Variants in MON1B observed in about 807,000 individuals in gnomAD.
MON1B encodes the protein MON1 vesicular trafficking associated B.
A neutral mutation model predicts 45.1 loss-of-function variants in MON1B; 26 were observed. The observed-to-expected ratio is 0.58, with a 90% CI of 0.42 to 0.80. MON1B has a LOEUF of 0.80. Among genes scored for constraint, MON1B ranks in the 30% least tolerant of loss-of-function variants. MON1B has a pLI of 0.00. For missense variants in MON1B, 737 were observed against 754.5 expected (o/e 0.98, Z 0.27); for synonymous variants, 395 against 320.2 (o/e 1.23, Z -2.49).
At position 77,198,134 on chromosome 16, in the gene MON1B, C is replaced by T; in HGVS notation, c.1470C>T (p.Thr490=). 6.2e-7 allele frequency: 1 copy of T among 1,614,144 alleles called. No individual in the cohort carries two copies. The highest frequency in any genetic ancestry group is 8.5e-7 in the Non-Finnish European group (1 of 1,180,020). ...AWVTSKFELY[T]CLSPLVTKAG... ...TGACCTCCAAATTCGAGCTCTATAC[C>T]TGCCTCAGCCCTCTGGTGACCAAGG... Residue 490 remains threonine (T), a synonymous_variant, in exon 6 of 6, where the codon ACC becomes ACT. Coordinates refer to ENST00000248248, the MANE Select transcript of MON1B (RefSeq NM_014940.4).
rs765729143 is a variant in MON1B at position 77,194,209 on chromosome 16, A to C, written c.476-126A>C. ...TGTCCTTACCCCAGTCCAGGTGCCCACAGAGTGAGCATGTGGACTCGGGCC... is the reference window on the plus strand; with the variant it reads ...TGTCCTTACCCCAGTCCAGGTGCCCCCAGAGTGAGCATGTGGACTCGGGCC... On this transcript the variant is annotated intron_variant, in intron 3 of 5. Coordinates refer to ENST00000248248, the MANE Select transcript of MON1B (RefSeq NM_014940.4). The surrounding 1 kb of genome is among the most constrained non-coding windows in gnomAD (Gnocchi z 8.1). The C allele has an allele frequency of 1.1e-6, 1 of 876,220 alleles. No homozygotes were observed. Among genetic ancestry groups the C allele is most frequent in the Non-Finnish European group, 1.9e-6 (1 of 527,878 alleles). The allele number at this position is 876,220 out of a possible 1,614,324, so 54.3% of individuals were successfully genotyped here.
chr16:77,191,208 G>C lies in MON1B; in HGVS notation c.-61G>C. 3 of 1,536,204 alleles carry C rather than the reference G, an allele frequency of 2.0e-6. No individual in the cohort carries two copies. The highest frequency in any genetic ancestry group is 2.6e-6 in the Non-Finnish European group (3 of 1,146,882). On this transcript the variant is annotated 5_prime_UTR_variant, in exon 1 of 6. Transcript: ENST00000248248. ...CACCCGGAAGTGTGATGCCACCGCC[G>C]CTACGGGGAAGTAATGGTATCCGGC...
At chr16:77,192,300 T>C (rs2054623138) in intron 2 of MON1B, among the ~76,000 whole-genome samples, 1 of 152,118 alleles carries the variant, frequency 6.6e-6, no homozygotes, top group East Asian at 1.9e-4. Flanking sequence ...TAATAGCAGG[T>C]AAGAGCAGTT....
At position 77,194,654 on chromosome 16, in the gene MON1B, C is replaced by T; in HGVS notation, c.795C>T (p.Leu265=). 2 of 1,613,882 alleles carry T rather than the reference C, an allele frequency of 1.2e-6. No individual in the cohort carries two copies. Among genetic ancestry groups the T allele is most frequent in the East Asian group, 2.2e-5 (1 of 44,842 alleles). Residue 265 remains leucine (L), a synonymous_variant, in exon 4 of 6, where the codon CTC becomes CTT. Transcript: ENST00000248248. This position sits in a 1 kb window ranked among gnomAD's most constrained non-coding sequence, Gnocchi z 8.1. ...RPLRDALGAL[L]RRCTAPGLAL... ...TGCGAGACGCACTAGGTGCGCTCCT[C>T]CGACGTTGCACAGCGCCTGGCCTGG...
At position 77,194,415 on chromosome 16, in the gene MON1B, C is replaced by T. The variant is rs747908684; in HGVS notation, c.556C>T (p.Leu186=). ...ACGGACTTCTCAGTCAGCAGCCCAG[C>T]TGCGGGGGGAGCTGCTAGCTGTGCA... The part of the protein sequence containing the change: ...MSRTSQSAAQ[L]RGELLAVHAQ... Residue 186 remains leucine (L), a synonymous_variant, in exon 4 of 6, where the codon CTG becomes TTG. Transcript: ENST00000248248. This position sits in a 1 kb window ranked among gnomAD's most constrained non-coding sequence, Gnocchi z 8.1. 2 of 1,613,724 alleles carry T rather than the reference C, an allele frequency of 1.2e-6. No individual in the cohort carries two copies. Among genetic ancestry groups the T allele is most frequent in the South Asian group, 1.1e-5 (1 of 91,082 alleles).
intron 5 of MON1B, among the ~76,000 whole-genome samples, chr16:77,196,609 C>G (rs535824437): frequency 6.6e-6 from 1 of 152,168 alleles, no homozygotes; most frequent in East Asian, 1.9e-4. Flanking sequence ...AACCCCGTCT[C>G]TACTAAAAAT....
rs1260109966 is a variant in MON1B at position 77,193,924 on chromosome 16, G to A, written c.475+147G>A. 1 of 800,574 alleles carries A rather than the reference G, an allele frequency of 1.2e-6. No homozygotes were observed. Among genetic ancestry groups the A allele is most frequent in the African/African-American group, 1.7e-5 (1 of 57,552 alleles). The allele number at this position is 800,574 out of a possible 1,614,324, so 49.6% of individuals were successfully genotyped here. A position where few individuals can be genotyped will look rare whatever the true frequency, so the allele number is the denominator to read the frequency against. On this transcript the variant is annotated intron_variant, in intron 3 of 5. Coordinates refer to ENST00000248248, the MANE Select transcript of MON1B (RefSeq NM_014940.4). This position sits in a 1 kb window ranked among gnomAD's most constrained non-coding sequence, Gnocchi z 5.0. ...TCAGCCAGAGCTCTGTCAGTGGCGG[G>A]AGGTGGGGGGGTTCATCTCTGTCTG...
rs200826983 is a variant in MON1B at position 77,193,748 on chromosome 16, C to T, written c.446C>T (p.Ala149Val). 1.1e-4 allele frequency: 184 copies of T among 1,612,870 alleles called. No individual in the cohort carries two copies. Among genetic ancestry groups the T allele is most frequent in the Non-Finnish European group, 1.5e-4 (177 of 1,179,318 alleles). Residue 149 changes from alanine (A) to valine (V), a missense_variant, in exon 3 of 6, where the codon GCG becomes GTG. Coordinates refer to ENST00000248248, the MANE Select transcript of MON1B (RefSeq NM_014940.4). This position sits in a 1 kb window ranked among gnomAD's most constrained non-coding sequence, Gnocchi z 5.0. ...GCCCTGGTGTCCTTTGTGCAGAGTG[C>T]GGGAGATGCCATCCGTGCCATCTAC... ...MTALVSFVQS[A>V]GDAIRAIYAE...
chr16:77,193,066 A>T lies in MON1B; in HGVS notation c.149-385A>T, dbSNP rs1173758221. Among the ~76,000 whole-genome samples the T allele has an allele frequency of 6.6e-6, 1 of 152,086 alleles. No homozygotes were observed. Among genetic ancestry groups the T allele is most frequent in the African/African-American group, 2.4e-5 (1 of 41,366 alleles). ...GGGTGAGCAGATATCAGGAGAAAAA[A>T]TAGCGGTCAGAGGAGTTAATGGGGG... On this transcript the variant is annotated intron_variant, in intron 2 of 5. Transcript: ENST00000248248. The surrounding 1 kb of genome is among the most constrained non-coding windows in gnomAD (Gnocchi z 5.0).
chr16:77,192,843 G>A (rs2054627790), intron 2 of MON1B, among the ~76,000 whole-genome samples: 1 of 152,018 alleles, frequency 6.6e-6, no homozygotes, highest in African/African-American at 2.4e-5. Context: ...TGGATTAGGG[G>A]AGTCCTAAAT....
In MON1B at chr16:77,191,245, C is replaced by T. The variant is rs765468422; in HGVS notation, c.-24C>T. On this transcript the variant is annotated 5_prime_UTR_variant, in exon 1 of 6. Transcript: ENST00000248248. ...TAATGGTATCCGGCCAATTGAGATT[C>T]GGAGTTAAAACAGGTGTTTGTATAT... is the stretch of plus-strand genomic sequence containing the variant. The T allele has an allele frequency of 9.0e-5, 139 of 1,537,566 alleles. 2 individuals carry two copies. In the South Asian group the frequency reaches 1.6e-3, roughly 17 times the overall value.
rs3214483 is a variant in MON1B at position 77,191,320 on chromosome 16, A to AGG, written c.-11+67_-11+68dup. 5.9e-6 allele frequency: 9 copies of AGG among 1,535,834 alleles called. No individual in the cohort carries two copies. The East Asian group carries it at 1.4e-4, about 24-fold the overall frequency. ...GTCTCCTCTTTTCGGAAAGTGTTGG[A>AGG]GGGGGGACGTATTTGGGCATGATTT... On this transcript the variant is annotated intron_variant, in intron 1 of 5. Transcript: ENST00000248248.
Position 77,198,407 on chromosome 16 carries a change from A to G in MON1B, c.*99A>G, listed in dbSNP as rs1298546083. 7.5e-7 allele frequency: 1 copy of G among 1,341,536 alleles called. No individual in the cohort carries two copies. Among genetic ancestry groups the G allele is most frequent in the African/African-American group, 1.4e-5 (1 of 69,192 alleles). The allele number at this position is 1,341,536 out of a possible 1,614,324, so 83.1% of individuals were successfully genotyped here. A position where few individuals can be genotyped will look rare whatever the true frequency, so the allele number is the denominator to read the frequency against. On this transcript the variant is annotated 3_prime_UTR_variant, in exon 6 of 6. Transcript: ENST00000248248. Reference sequence around the variant, plus strand: ...TGTGTGTGGGGGTGTGTCTGTGGCCAGTCATTGTCTCCCTAAGCAATGGGG... The same window carrying G: ...TGTGTGTGGGGGTGTGTCTGTGGCCGGTCATTGTCTCCCTAAGCAATGGGG...
At chr16:77,195,206 G>A in intron 4 of MON1B, 52 bp downstream of exon 4, 1 of 1,448,038 alleles carries the variant, frequency 6.9e-7, no homozygotes, top group Non-Finnish European at 9.2e-7. Context: ...TGTCAAACCA[G>A]GAAGTTCAGC....
At position 77,195,522 on chromosome 16, in the gene MON1B, T is replaced by G; in HGVS notation, c.1296-13T>G. ...GGACTAACCTTGTCCTCCACCTCCC[T>G]CCATCATGGCAGCCCTGAGCTAGAG... On this transcript the variant is annotated splice_polypyrimidine_tract_variant and intron_variant, in intron 4 of 5. Transcript: ENST00000248248. 6.2e-7 allele frequency: 1 copy of G among 1,607,838 alleles called. No homozygotes were observed.
chr16:77,199,222 A>G lies in MON1B; in HGVS notation c.*914A>G, dbSNP rs111615388. 1,368 of 541,130 alleles carry G rather than the reference A, an allele frequency of 2.5e-3. 10 individuals carry two copies. Among genetic ancestry groups the G allele is most frequent in the African/African-American group, 0.023 (1,177 of 51,650 alleles). 33.5% of individuals were successfully genotyped at this position (541,130 alleles called of 1,614,324 possible). ...CACTACCCTCACTCCCCAACTGGCC[A>G]TTACCCTAGTTCTGCCCTTGTTTGT... On this transcript the variant is annotated 3_prime_UTR_variant, in exon 6 of 6. Coordinates refer to ENST00000248248, the MANE Select transcript of MON1B (RefSeq NM_014940.4).
At position 77,201,401 on chromosome 16, in the gene MON1B, G is replaced by T. The variant is rs1479597918; in HGVS notation, c.*3093G>T. On this transcript the variant is annotated 3_prime_UTR_variant, in exon 6 of 6. Coordinates refer to ENST00000248248, the MANE Select transcript of MON1B (RefSeq NM_014940.4). ...TTCACCAGCAAAGGAAAAATTGAAG[G>T]ATGTATCAAGTTGCCATTTCTAGCC... 1 of 152,148 alleles carries T rather than the reference G, an allele frequency of 6.6e-6. No homozygotes were observed. Among genetic ancestry groups the T allele is most frequent in the Non-Finnish European group, 1.5e-5 (1 of 68,036 alleles). 9.4% of individuals were successfully genotyped at this position (152,148 alleles called of 1,614,324 possible).
chr16:77,194,234 C>A lies in MON1B; in HGVS notation c.476-101C>A. Reference sequence around the variant, plus strand: ...ACAGAGTGAGCATGTGGACTCGGGCCTGGTGTGTGTATGGTAGGAGAGGGC... The same window carrying A: ...ACAGAGTGAGCATGTGGACTCGGGCATGGTGTGTGTATGGTAGGAGAGGGC... On this transcript the variant is annotated intron_variant, in intron 3 of 5. Coordinates refer to ENST00000248248, the MANE Select transcript of MON1B (RefSeq NM_014940.4). This position sits in a 1 kb window ranked among gnomAD's most constrained non-coding sequence, Gnocchi z 8.1. The A allele has an allele frequency of 9.3e-7, 1 of 1,075,054 alleles. No individual in the cohort carries two copies. Among genetic ancestry groups the A allele is most frequent in the African/African-American group, 1.5e-5 (1 of 64,926 alleles). The allele number at this position is 1,075,054 out of a possible 1,614,324, so 66.6% of individuals were successfully genotyped here.
intron 4 of MON1B, 120 bp downstream of exon 4, chr16:77,195,274 A>G: frequency 1.8e-6 from 2 of 1,123,608 alleles, no homozygotes; most frequent in Non-Finnish European, 2.5e-6. Flanking sequence ...GAGGGAAGAG[A>G]ACAAGTCTCT....
Sources: allele counts gnomAD v4.1 joint callset (sites outside exome capture counted in the v4.1 genomes callset), GRCh38; gene constraint gnomAD v4.1.1; non-coding constraint Gnocchi (gnomAD v3.1); transcripts MANE v1.5; gene names NCBI Gene and HGNC (gene_info 2026-07-23, HGNC 2026-07-21).